The following MDN1 variants were observed in gnomAD, a reference collection of about 807,000 sequenced individuals.
MDN1 encodes midasin.
A neutral mutation model predicts 669.2 loss-of-function variants in MDN1; 266 were observed. The observed-to-expected ratio is 0.40, with a 90% CI of 0.36 to 0.44. MDN1 has a LOEUF of 0.44. Ranked by LOEUF, MDN1 falls within the 20% of genes least tolerant of loss-of-function variation. MDN1 has a pLI of 1.00. For missense variants in MDN1, 5,940 were observed against 6,754.0 expected (o/e 0.88, Z 4.22); for synonymous variants, 2,385 against 2,457.1 (o/e 0.97, Z 0.87).
intron 11 of MDN1, among the ~76,000 whole-genome samples, chr6:89,778,283 C>T (rs1318079170): frequency 6.6e-6 from 1 of 150,804 alleles, no homozygotes; most frequent in Non-Finnish European, 1.5e-5. Context: ...AGTTAAGTTT[C>T]TTCCATCATC....
At chr6:89,707,158 A>T (rs904304846) in intron 52 of MDN1, among the ~76,000 whole-genome samples, 12 of 152,236 alleles carry the variant, frequency 7.9e-5, no homozygotes, top group African/African-American at 2.9e-4. Flanking sequence ...ACACATAAAA[A>T]GCATTTAGCT....
At chr6:89,716,129 C>A (rs1814353722) in intron 44 of MDN1, among the ~76,000 whole-genome samples, 2 of 152,154 alleles carry the variant, frequency 1.3e-5, no homozygotes, top group South Asian at 4.1e-4. Context: ...TTGTAACATT[C>A]AGATAAATGC....
chr6:89,655,208 C>T (rs1163612392), intron 92 of MDN1, among the ~76,000 whole-genome samples: 2 of 151,894 alleles, frequency 1.3e-5, no homozygotes, highest in African/African-American at 4.8e-5. Flanking sequence ...TATAAGTTTA[C>T]ATATTAGGAA....
intron 53 of MDN1, among the ~76,000 whole-genome samples, chr6:89,702,938 CTT>C (rs35611812): frequency 6.8e-4 from 95 of 140,340 alleles, no homozygotes; most frequent in East Asian, 1.3e-3. Context: ...GGTAAAGGCC[CTT>C]TTTTTTTTTT....
chr6:89,751,804 A>G (rs901691608), intron 22 of MDN1, among the ~76,000 whole-genome samples: 1 of 152,214 alleles, frequency 6.6e-6, no homozygotes, highest in African/African-American at 2.4e-5. Flanking sequence ...TTTGGAAAAA[A>G]GCTGAATCAA....
At position 89,744,497 on chromosome 6, in the gene MDN1, G is replaced by A. The variant is rs555929830; in HGVS notation, c.4178+776C>T. 6.6e-5 allele frequency among the ~76,000 whole-genome samples: 10 copies of A among 151,722 alleles called. 1 individual carries two copies. The South Asian group carries it at 1.9e-3, about 28-fold the overall frequency. ...AGCTCAGTGCAATCTCTGCCTCCCAGGCTCAAGCGATTCTTCTGCCTCAAC... is the reference window on the plus strand; with the variant it reads ...AGCTCAGTGCAATCTCTGCCTCCCAAGCTCAAGCGATTCTTCTGCCTCAAC... On this transcript the variant is annotated intron_variant, in intron 29 of 101. Coordinates refer to ENST00000369393, the MANE Select transcript of MDN1 (RefSeq NM_014611.3).
intron 9 of MDN1, among the ~76,000 whole-genome samples, chr6:89,783,341 G>A (rs574441521): frequency 1.2e-4 from 18 of 152,210 alleles, no homozygotes; most frequent in Admixed American, 7.9e-4. Context: ...GATAAGGACC[G>A]AGATACACCC....
intron 97 of MDN1, among the ~76,000 whole-genome samples, chr6:89,649,157 A>T (rs952054663): frequency 6.6e-6 from 1 of 152,226 alleles, no homozygotes; most frequent in African/African-American, 2.4e-5. Context: ...CTGTAGAACT[A>T]TATCAGAAAA....
At chr6:89,787,981 A>G (rs1020200859) in intron 7 of MDN1, 24 bp from the exon 8 acceptor site, 3 of 1,548,896 alleles carry the variant, frequency 1.9e-6, no homozygotes, top group South Asian at 1.1e-5. Flanking sequence ...CAACAACCGC[A>G]CTGATAAAGT....
chr6:89,694,105 C>T lies in MDN1; in HGVS notation c.9850G>A (p.Val3284Ile), dbSNP rs140901922. Reference sequence around the variant, plus strand: ...TGAGGATGAGAGTAGCTGACAACGACTTCATCTTCCAGGTCTCTTCCAGTC... The same window carrying T: ...TGAGGATGAGAGTAGCTGACAACGATTTCATCTTCCAGGTCTCTTCCAGTC... ...LQTGRDLEDEVVVSYSHPHVR... is the reference protein window; with the variant it reads ...LQTGRDLEDEIVVSYSHPHVR... Residue 3284 changes from valine (V) to isoleucine (I), a missense_variant, in exon 62 of 102, where the codon GTC (valine) becomes ATC (isoleucine). Coordinates refer to ENST00000369393, the MANE Select transcript of MDN1 (RefSeq NM_014611.3). The T allele has an allele frequency of 1.8e-4, 288 of 1,614,236 alleles. 1 individual carries two copies. The African/African-American group carries it at 3.4e-3, about 19-fold the overall frequency.
chr6:89,687,466 C>T, intron 67 of MDN1, 28 bp from the exon 68 acceptor site: 1 of 1,590,834 alleles, frequency 6.3e-7, no homozygotes, highest in Non-Finnish European at 8.6e-7. Context: ...AAATTTACTA[C>T]AGATATTATT....
At chr6:89,768,685 T>C (rs548216098) in intron 15 of MDN1, among the ~76,000 whole-genome samples, 6 of 151,932 alleles carry the variant, frequency 3.9e-5, no homozygotes, top group African/African-American at 1.4e-4. Context: ...TGCAGCAAAC[T>C]ATGAGGGCAC....
In MDN1 at chr6:89,790,371, C is replaced by T. The variant is rs959294328; in HGVS notation, c.886G>A (p.Glu296Lys). 18 of 1,613,826 alleles carry T rather than the reference C, an allele frequency of 1.1e-5. No individual in the cohort carries two copies. The highest frequency in any genetic ancestry group is 1.4e-5 in the Non-Finnish European group (16 of 1,180,004). Residue 296 changes from glutamate to lysine, a missense_variant, in exon 6 of 102, where the codon GAG (glutamate) becomes AAG (lysine). Glu to Lys is a moderately conservative substitution (Grantham distance 56). Coordinates refer to ENST00000369393, the MANE Select transcript of MDN1 (RefSeq NM_014611.3). ...AGCACATAAGACCTAAGGGCCAGCT[C>T]CTGTTCACGTGAAGAACTCCTATTA... Reference protein sequence around the residue: ...GGNRSSSREQELALRSYVLVE... With the variant: ...GGNRSSSREQKLALRSYVLVE...
intron 69 of MDN1, 73 bp from the exon 70 acceptor site, chr6:89,686,046 C>T (rs1584186631): frequency 1.4e-6 from 2 of 1,478,000 alleles, no homozygotes. Context: ...TGCACGCAAT[C>T]TATTTGGGAT....
intron 38 of MDN1, 85 bp downstream of exon 38, chr6:89,725,112 CAT>C (rs1182098372): frequency 8.1e-7 from 1 of 1,241,594 alleles, no homozygotes; most frequent in African/African-American, 1.5e-5. Flanking sequence ...CTCTAATTCT[CAT>C]AGTGAATATC....
chr6:89,810,707 G>A (rs75188542), intron 1 of MDN1, among the ~76,000 whole-genome samples: 6,034 of 151,984 alleles, frequency 0.04, 201 homozygotes, highest in Non-Finnish European at 0.052. Context: ...CATAAGAACA[G>A]TCATATTGTG....
intron 13 of MDN1, among the ~76,000 whole-genome samples, chr6:89,773,005 C>T (rs1818182372): frequency 6.6e-6 from 1 of 152,196 alleles, no homozygotes; most frequent in Non-Finnish European, 1.5e-5. Flanking sequence ...GGACAAATTA[C>T]TTAATGTGTC....
At chr6:89,799,662 A>G (rs1377030000) in intron 2 of MDN1, among the ~76,000 whole-genome samples, 1 of 152,224 alleles carries the variant, frequency 6.6e-6, no homozygotes, top group East Asian at 1.9e-4. Context: ...CAGCCTGGAT[A>G]ACAAGAACGA....
At chr6:89,782,807 C>T (rs1347939927) in intron 9 of MDN1, among the ~76,000 whole-genome samples, 2 of 152,104 alleles carry the variant, frequency 1.3e-5, no homozygotes, top group Non-Finnish European at 2.9e-5. Context: ...GGCATGGTGG[C>T]ATGTTGCGGG....
Sources: gnomAD v4.1 joint callset for allele counts (sites outside exome capture counted in the v4.1 genomes callset) on GRCh38, gnomAD v4.1.1 for gene constraint, MANE v1.5 for transcripts, NCBI Gene and HGNC (gene_info 2026-07-23, HGNC 2026-07-21) for gene names.